Variants in PDZRN3 observed in about 807,000 individuals in gnomAD.
The protein encoded by PDZRN3 is E3 ubiquitin-protein ligase PDZRN3.
Under a neutral mutation model 85.7 loss-of-function variants are expected in PDZRN3, and 38 were observed. The ratio of observed to expected loss-of-function variants is 0.44; its 90% CI spans 0.34 to 0.58. The LOEUF is 0.58. PDZRN3 is among the 20% of genes least tolerant of loss of function. PDZRN3 has a pLI of 0.01. For synonymous variants in PDZRN3, 759 were observed against 638.0 expected, an observed-to-expected ratio of 1.19 and a Z score of -2.86; for missense variants, 1,629 against 1,506.4, an observed-to-expected ratio of 1.08 and a Z score of -1.35.
intron 3 of PDZRN3, among the ~76,000 whole-genome samples, chr3:73,524,443 C>G (rs1166137584): frequency 6.6e-6 from 1 of 152,194 alleles, no homozygotes. Context: ...CTGAACAGAT[C>G]AAGTTCGGAA....
chr3:73,444,616 C>T (rs1398879545), intron 3 of PDZRN3, among the ~76,000 whole-genome samples: 1 of 152,206 alleles, frequency 6.6e-6, no homozygotes, highest in Non-Finnish European at 1.5e-5. Context: ...TATACTCAAG[C>T]AGCTGATGAT....
chr3:73,565,475 T>TA (rs1219212696), intron 3 of PDZRN3, among the ~76,000 whole-genome samples: 1 of 152,110 alleles, frequency 6.6e-6, no homozygotes, highest in Non-Finnish European at 1.5e-5. Context: ...TTAATCTCTT[T>TA]AGGCCTCATC....
chr3:73,448,735 G>C (rs890674684), intron 3 of PDZRN3, among the ~76,000 whole-genome samples: 9 of 152,184 alleles, frequency 5.9e-5, no homozygotes, highest in Non-Finnish European at 1.2e-4. Flanking sequence ...AGCTACTAGG[G>C]TGGGCAAGAA....
At chr3:73,602,029 G>C (rs1226520811) in intron 3 of PDZRN3, among the ~76,000 whole-genome samples, 1 of 152,094 alleles carries the variant, frequency 6.6e-6, no homozygotes, top group African/African-American at 2.4e-5. Flanking sequence ...TGTACAACAG[G>C]GTTCGTTCAT....
Position 73,383,214 on chromosome 3 carries a change from T to C in PDZRN3, c.*151A>G. Reference sequence around the variant, plus strand: ...TCTCTCTTCCCTTAAAATAGACCTATGACACCCAGAGTTGTAGGGTTTGCA... The same window carrying C: ...TCTCTCTTCCCTTAAAATAGACCTACGACACCCAGAGTTGTAGGGTTTGCA... On this transcript the variant is annotated 3_prime_UTR_variant, in exon 10 of 10. Coordinates refer to ENST00000263666, the MANE Select transcript of PDZRN3 (RefSeq NM_015009.3). 2 of 645,580 alleles carry C rather than the reference T, an allele frequency of 3.1e-6. No homozygotes were observed. Among genetic ancestry groups the C allele is most frequent in the East Asian group, 2.7e-5 (1 of 37,362 alleles). The allele number at this position is 645,580 out of a possible 1,614,324, so 40.0% of individuals were successfully genotyped here. A position where few individuals can be genotyped will look rare whatever the true frequency, so the allele number is the denominator to read the frequency against.
chr3:73,402,881 C>T (rs116125479), intron 4 of PDZRN3, among the ~76,000 whole-genome samples: 3,269 of 151,086 alleles, frequency 0.022, 121 homozygotes, highest in African/African-American at 0.074. Flanking sequence ...AACACAGGGG[C>T]GACCCTAACA....
intron 3 of PDZRN3, among the ~76,000 whole-genome samples, chr3:73,519,027 T>C (rs772939414): frequency 1.3e-5 from 2 of 152,102 alleles, no homozygotes; most frequent in African/African-American, 4.8e-5. Context: ...TTGGAAGAGG[T>C]GCAGTGAGTT....
Position 73,384,345 on chromosome 3 carries a change from A to G in PDZRN3, c.2221T>C (p.Ser741Pro). ...TTCTCCGGGAGCTCGGTGATATCTGAGAGCTCGTGTCTGCGCACGTCGATG... is the reference window on the plus strand; with the variant it reads ...TTCTCCGGGAGCTCGGTGATATCTGGGAGCTCGTGTCTGCGCACGTCGATG... ...TSIDVRRHEL[S>P]DITELPEKSD... The change falls in exon 10 of 10, where the codon TCA (serine) becomes CCA (proline). Residue 741 changes from serine to proline, a missense_variant. Transcript: ENST00000263666. The G allele has an allele frequency of 6.2e-7, 1 of 1,610,218 alleles. No homozygotes were observed.
chr3:73,477,290 A>C (rs1178334982), intron 3 of PDZRN3, among the ~76,000 whole-genome samples: 1 of 152,212 alleles, frequency 6.6e-6, no homozygotes, highest in African/African-American at 2.4e-5. Flanking sequence ...AGCAAGAGGA[A>C]GTATCTTGCT....
rs548519819 is a variant in PDZRN3, at chr3:73,595,507, G to C, written c.918+6847C>G. The stretch of plus-strand genomic sequence containing the variant: ...AAATAAGTTTCCTGTGTATAGTTAA[G>C]CAAGAAATATCAAGTCTTTCTTAAA... On this transcript the variant is annotated intron_variant, in intron 3 of 9. Coordinates refer to ENST00000263666, the MANE Select transcript of PDZRN3 (RefSeq NM_015009.3). Among the ~76,000 whole-genome samples the C allele has an allele frequency of 2.0e-5, 3 of 152,162 alleles. No homozygotes were observed. In the East Asian group the frequency reaches 5.8e-4, roughly 29 times the overall value.
chr3:73,574,466 T>TGGGGGGGG (rs1702091367), intron 3 of PDZRN3, among the ~76,000 whole-genome samples: 2 of 78,714 alleles, frequency 2.5e-5, no homozygotes, highest in South Asian at 4.7e-4. Context: ...GTGGGGGGGG[T>TGGGGGGGG]GGGGAGGGCG....
At chr3:73,469,423 G>A (rs1703289461) in intron 3 of PDZRN3, among the ~76,000 whole-genome samples, 1 of 152,174 alleles carries the variant, frequency 6.6e-6, no homozygotes, top group East Asian at 1.9e-4. Flanking sequence ...GCCACCAGTG[G>A]AGGTTGCATT....
At chr3:73,415,426 G>A (rs1334217492) in intron 3 of PDZRN3, among the ~76,000 whole-genome samples, 1 of 152,050 alleles carries the variant, frequency 6.6e-6, no homozygotes, top group Non-Finnish European at 1.5e-5. Context: ...GCTTCAGGTT[G>A]GACTTTGTTT....
intron 8 of PDZRN3, among the ~76,000 whole-genome samples, chr3:73,386,225 A>ATTTTTTTTT (rs1576018763): frequency 5.2e-5 from 2 of 38,646 alleles, no homozygotes; most frequent in African/African-American, 9.3e-5. Context: ...GCAAGATATC[A>ATTTTTTTTT]CTTTTTTTTT....
intron 3 of PDZRN3, among the ~76,000 whole-genome samples, chr3:73,529,249 A>G (rs1242257551): frequency 6.6e-6 from 1 of 152,228 alleles, no homozygotes; most frequent in Non-Finnish European, 1.5e-5. Context: ...CTTCTTGTTT[A>G]GTAGCTGTGG....
At chr3:73,532,010 C>CT (rs1357031749) in intron 3 of PDZRN3, among the ~76,000 whole-genome samples, 3 of 151,884 alleles carry the variant, frequency 2.0e-5, no homozygotes, top group South Asian at 4.2e-4. Flanking sequence ...AAATTCCAAA[C>CT]TTTTTTTTTG....
intron 1 of PDZRN3, among the ~76,000 whole-genome samples, chr3:73,620,084 A>T (rs1173271225): frequency 6.6e-6 from 1 of 152,102 alleles, no homozygotes; most frequent in East Asian, 1.9e-4. Context: ...CACCCCCATC[A>T]CCACTACCAC....
Position 73,383,603 on chromosome 3 carries a change from T to C in PDZRN3, c.2963A>G (p.Gln988Arg), listed in dbSNP as rs760540807. 2 of 1,614,094 alleles carry C rather than the reference T, an allele frequency of 1.2e-6. No individual in the cohort carries two copies. Among genetic ancestry groups the C allele is most frequent in the Non-Finnish European group, 1.7e-6 (2 of 1,180,028 alleles). Residue 988 changes from glutamine (Q) to arginine (R), a missense_variant, in exon 10 of 10, where the codon CAG becomes CGG. Transcript: ENST00000263666. Reference protein sequence around the residue: ...RKQHLVKAKEQRRRREFMMQS... With the variant: ...RKQHLVKAKERRRRREFMMQS... Reference sequence around the variant, plus strand: ...CATCATGAACTCGCGCCGCCGCCGCTGCTCCTTGGCCTTCACCAGGTGCTG... The same window carrying C: ...CATCATGAACTCGCGCCGCCGCCGCCGCTCCTTGGCCTTCACCAGGTGCTG...
At chr3:73,614,280 G>C (rs1338603620) in intron 1 of PDZRN3, among the ~76,000 whole-genome samples, 1 of 152,178 alleles carries the variant, frequency 6.6e-6, no homozygotes, top group Non-Finnish European at 1.5e-5. Flanking sequence ...ATCCAAGAAT[G>C]TGAACCATCT....
Sources: gnomAD v4.1 joint callset for allele counts (sites outside exome capture counted in the v4.1 genomes callset) on GRCh38, gnomAD v4.1.1 for gene constraint, MANE v1.5 for transcripts, NCBI Gene and HGNC (gene_info 2026-07-23, HGNC 2026-07-21) for gene names.